The following CENPP variants were observed in gnomAD, a reference collection of about 807,000 sequenced individuals.
CENPP encodes the protein centromere protein P.
In CENPP, 24 loss-of-function variants were observed where a neutral mutation model predicts 35.6. The observed-to-expected ratio is 0.67, with a 90% confidence interval of 0.49 to 0.95. CENPP has a LOEUF of 0.95. Ranked by LOEUF, CENPP falls within the 40% of genes least tolerant of loss-of-function variation. The pLI, the probability that CENPP is intolerant of heterozygous loss-of-function variation, is 0.00. For synonymous variants in CENPP, 120 were observed against 125.5 expected, an observed-to-expected ratio of 0.96 and a Z score of 0.29; for missense variants, 332 against 345.3, an observed-to-expected ratio of 0.96 and a Z score of 0.31.
At chr9:92,580,062 T>C (rs1017742550) in intron 5 of CENPP, among the ~76,000 whole-genome samples, 3 of 151,766 alleles carry the variant, frequency 2.0e-5, no homozygotes, top group African/African-American at 4.9e-5. Flanking sequence ...GAGATAATCA[T>C]GTGGTTTTTG....
chr9:92,430,217 TG>T (rs1844070578), intron 5 of CENPP, among the ~76,000 whole-genome samples: 2 of 152,210 alleles, frequency 1.3e-5, no homozygotes, highest in Non-Finnish European at 2.9e-5. Flanking sequence ...TTTACAGCCC[TG>T]TATGCTGCGT....
At chr9:92,399,473 T>C (rs1219479396) in intron 5 of CENPP, among the ~76,000 whole-genome samples, 1 of 152,198 alleles carries the variant, frequency 6.6e-6, no homozygotes, top group Admixed American at 6.5e-5. Context: ...CTTTATCTAG[T>C]GATATTATTT....
chr9:92,343,171 T>G (rs183649228), intron 3 of CENPP, among the ~76,000 whole-genome samples: 1 of 152,208 alleles, frequency 6.6e-6, no homozygotes, highest in Non-Finnish European at 1.5e-5. Context: ...CCTCAAATCA[T>G]GTTAATAGAA....
intron 5 of CENPP, among the ~76,000 whole-genome samples, chr9:92,602,990 C>T (rs912505647): frequency 6.6e-6 from 1 of 152,040 alleles, no homozygotes; most frequent in Non-Finnish European, 1.5e-5. Context: ...GGGGTTTCAC[C>T]ATGTTGGATA....
At chr9:92,427,650 T>G (rs1297652516) in intron 5 of CENPP, among the ~76,000 whole-genome samples, 1 of 151,708 alleles carries the variant, frequency 6.6e-6, no homozygotes, top group African/African-American at 2.4e-5. Flanking sequence ...CTGGCTAATT[T>G]TGTATTTTCA....
chr9:92,545,785 A>G lies in CENPP; in HGVS notation c.565-65529A>G, dbSNP rs1849427726. On this transcript the variant is annotated intron_variant, in intron 5 of 7. Coordinates refer to ENST00000375587, the MANE Select transcript of CENPP (RefSeq NM_001012267.3). ...CTAAGGGATTGTAGATATACCAGTCAGCACTCCGTGTCTAGCTCAAGGTTT... is the reference window on the plus strand; with the variant it reads ...CTAAGGGATTGTAGATATACCAGTCGGCACTCCGTGTCTAGCTCAAGGTTT... 2.0e-5 allele frequency among the ~76,000 whole-genome samples: 3 copies of G among 152,254 alleles called. 1 individual carries two copies. The highest frequency in any genetic ancestry group is 2.0e-4 in the Admixed American group (3 of 15,286).
rs117233706 is a variant in CENPP at position 92,444,868 on chromosome 9, C to T, written c.564+65009C>T. On this transcript the variant is annotated intron_variant, in intron 5 of 7. Coordinates refer to ENST00000375587, the MANE Select transcript of CENPP (RefSeq NM_001012267.3). ...CAGCCACTACAGGAGCTGACATGGGCCCCTAGGAGTTACCTGGCGGCTGTA... is the reference window on the plus strand; with the variant it reads ...CAGCCACTACAGGAGCTGACATGGGTCCCTAGGAGTTACCTGGCGGCTGTA... 7.6e-3 allele frequency among the ~76,000 whole-genome samples: 1,155 copies of T among 152,158 alleles called. 4 individuals carry two copies. Among genetic ancestry groups the T allele is most frequent in the South Asian group, 0.013 (63 of 4,814 alleles).
At chr9:92,333,312 T>A (rs1366539294) in intron 2 of CENPP, among the ~76,000 whole-genome samples, 1 of 152,172 alleles carries the variant, frequency 6.6e-6, no homozygotes, top group African/African-American at 2.4e-5. Flanking sequence ...GGAGACTGAA[T>A]TACATGTAGA....
chr9:92,368,865 C>T (rs1365644772), intron 4 of CENPP, among the ~76,000 whole-genome samples: 1 of 151,886 alleles, frequency 6.6e-6, no homozygotes, highest in African/African-American at 2.4e-5. Flanking sequence ...ATAGTGAGAC[C>T]CTGTCTCTAC....
rs1414586261 is a variant in CENPP, at chr9:92,615,153, C to CA, written c.*2015dup. 3.4e-4 allele frequency: 49 copies of CA among 143,084 alleles called. No individual in the cohort carries two copies. The highest frequency in any genetic ancestry group is 3.8e-4 in the African/African-American group (15 of 39,108). 8.9% of individuals were successfully genotyped at this position (143,084 alleles called of 1,614,324 possible). A position where few individuals can be genotyped will look rare whatever the true frequency, so the allele number is the denominator to read the frequency against. On this transcript the variant is annotated 3_prime_UTR_variant, in exon 8 of 8. Coordinates refer to ENST00000375587, the MANE Select transcript of CENPP (RefSeq NM_001012267.3). Reference sequence around the variant, plus strand: ...TCATGTGAAAGATTAAATTGTAAAGCAAAAAAAAAAAGGTCAATGCTCGCA... The same window carrying CA: ...TCATGTGAAAGATTAAATTGTAAAGCAAAAAAAAAAAAGGTCAATGCTCGCA...
At chr9:92,454,622 A>G (rs1300128548) in intron 5 of CENPP, among the ~76,000 whole-genome samples, 1 of 152,180 alleles carries the variant, frequency 6.6e-6, no homozygotes, top group Non-Finnish European at 1.5e-5. Context: ...TTTTATCTTT[A>G]AGGACTTCAT....
chr9:92,415,204 T>G, intron 5 of CENPP: 2 of 1,613,810 alleles, frequency 1.2e-6, no homozygotes, highest in Non-Finnish European at 1.7e-6. Context: ...TGCTCCTTCT[T>G]GTTCTGGGCT....
chr9:92,594,405 G>A (rs764993770), intron 5 of CENPP, among the ~76,000 whole-genome samples: 39 of 152,122 alleles, frequency 2.6e-4, no homozygotes, highest in South Asian at 8.3e-4. Context: ...ACAGCACGGC[G>A]TGTCTGAGCC....
At chr9:92,457,396 A>C (rs1178620859) in intron 5 of CENPP, 2 of 1,613,650 alleles carry the variant, frequency 1.2e-6, no homozygotes, top group African/African-American at 2.7e-5. Flanking sequence ...AACTTATTGC[A>C]CTGTATAAAG....
At chr9:92,348,758 G>A (rs1221691056) in intron 4 of CENPP, among the ~76,000 whole-genome samples, 1 of 152,110 alleles carries the variant, frequency 6.6e-6, no homozygotes. Flanking sequence ...TCTCTGGAAA[G>A]GTCTTAATTT....
chr9:92,423,512 T>C (rs932602420), intron 5 of CENPP, among the ~76,000 whole-genome samples: 4 of 152,182 alleles, frequency 2.6e-5, no homozygotes, highest in African/African-American at 9.7e-5. Flanking sequence ...AGAAAGCAAA[T>C]ATTAGCATAT....
At chr9:92,420,257 A>G (rs1202310744) in intron 5 of CENPP, among the ~76,000 whole-genome samples, 1 of 152,138 alleles carries the variant, frequency 6.6e-6, no homozygotes, top group African/African-American at 2.4e-5. Flanking sequence ...TATTGATTCT[A>G]CTGTTTTTCA....
intron 5 of CENPP, among the ~76,000 whole-genome samples, chr9:92,607,202 T>C (rs951148081): frequency 3.5e-5 from 5 of 141,872 alleles, no homozygotes; most frequent in African/African-American, 1.2e-4. Context: ...TTGAAGTTTG[T>C]TTTTTTTATC....
chr9:92,457,500 A>G, intron 5 of CENPP: 2 of 1,562,662 alleles, frequency 1.3e-6, no homozygotes, highest in Non-Finnish European at 1.8e-6. Context: ...TGTAGTAGGA[A>G]AAAAGAAAGG....
Sources: gnomAD v4.1 joint callset for allele counts (sites outside exome capture counted in the v4.1 genomes callset) on GRCh38, gnomAD v4.1.1 for gene constraint, MANE v1.5 for transcripts, NCBI Gene and HGNC (gene_info 2026-07-23, HGNC 2026-07-21) for gene names.